TEK: variants seen among roughly 807,000 people sequenced by gnomAD.
TEK encodes the protein TEK receptor tyrosine kinase, also known as angiopoietin-1 receptor.
In TEK, 43 loss-of-function variants were observed where a neutral mutation model predicts 131.8. The observed-to-expected ratio is 0.33, with a 90% CI of 0.26 to 0.42. TEK has a LOEUF of 0.42. TEK is among the 10% of genes least tolerant of loss of function. The pLI is 1.00. For missense variants in TEK, 1,162 were observed against 1,384.4 expected (o/e 0.84, Z 2.55); for synonymous variants, 580 against 491.6 (o/e 1.18, Z -2.38).
At chr9:27,218,972 T>TTTTTC (rs1440469978) in intron 20 of TEK, among the ~76,000 whole-genome samples, 155 bp downstream of exon 20, 3 of 152,158 alleles carry the variant, frequency 2.0e-5, no homozygotes, top group Non-Finnish European at 4.4e-5. Flanking sequence ...AATTCCCATA[T>TTTTTC]TTTTCTTTTT....
chr9:27,209,086 C>T (rs367932801), intron 15 of TEK, 35 bp from the exon 16 acceptor site: 18 of 1,494,164 alleles, frequency 1.2e-5, no homozygotes, highest in Non-Finnish European at 1.7e-5. Context: ...AAAGGTGTAA[C>T]AAAGAAGAAT....
At chr9:27,224,783 AG>A (rs1380999477) in intron 21 of TEK, among the ~76,000 whole-genome samples, 1 of 152,260 alleles carries the variant, frequency 6.6e-6, no homozygotes, top group Non-Finnish European at 1.5e-5. Flanking sequence ...AAAGAAAGAA[AG>A]GGCATTCAAA....
chr9:27,157,574 G>T (rs1388980605), intron 1 of TEK, among the ~76,000 whole-genome samples: 1 of 152,124 alleles, frequency 6.6e-6, no homozygotes, highest in East Asian at 1.9e-4. Flanking sequence ...GGCTTGTTGG[G>T]GGAATAATGG....
At chr9:27,203,765 G>A (rs1825304682) in intron 13 of TEK, among the ~76,000 whole-genome samples, 1 of 152,264 alleles carries the variant, frequency 6.6e-6, no homozygotes, top group South Asian at 2.1e-4. Flanking sequence ...TCTCTGTGTT[G>A]TGTACAATGT....
At chr9:27,152,412 G>GAAA (rs10554773) in intron 1 of TEK, among the ~76,000 whole-genome samples, 1 of 142,922 alleles carries the variant, frequency 7.0e-6, no homozygotes. Flanking sequence ...CTGGAATGTG[G>GAAA]AAAAAAAAAA....
Position 27,222,467 on chromosome 9 carries a change from A to C in TEK, c.3200+2322A>C, listed in dbSNP as rs555373789. On this transcript the variant is annotated intron_variant, in intron 21 of 22. Transcript: ENST00000380036. ...AAATGTTAAGGGCAGCCAGAGAGAAAGGTCAGGTTACCCACAAAGGGAAGC... is the reference window on the plus strand; with the variant it reads ...AAATGTTAAGGGCAGCCAGAGAGAACGGTCAGGTTACCCACAAAGGGAAGC... Among the ~76,000 whole-genome samples the C allele has an allele frequency of 9.8e-4, 150 of 152,344 alleles. 1 individual carries two copies. Among genetic ancestry groups the C allele is most frequent in the Non-Finnish European group, 1.5e-3 (104 of 68,038 alleles).
Position 27,229,330 on chromosome 9 carries a change from T to G in TEK, c.*98T>G, listed in dbSNP as rs2131268077. 8.7e-7 allele frequency: 1 copy of G among 1,153,494 alleles called. No homozygotes were observed. The highest frequency in any genetic ancestry group is 1.3e-6 in the Non-Finnish European group (1 of 764,658). 71.5% of individuals were successfully genotyped at this position (1,153,494 alleles called of 1,614,324 possible). The stretch of plus-strand genomic sequence containing the variant: ...TGCCTCTGCCAAAGGATGTGATATA[T>G]AAGTGTACATATGTGCTGTACACCT... On this transcript the variant is annotated 3_prime_UTR_variant, in exon 23 of 23. Coordinates refer to ENST00000380036, the MANE Select transcript of TEK (RefSeq NM_000459.5).
chr9:27,228,212 T>C lies in TEK; in HGVS notation c.3207T>C (p.Asp1069=), dbSNP rs1826414832. The change falls in exon 22 of 23, where the codon GAT becomes GAC. Residue 1069 remains aspartate, a synonymous_variant. Transcript: ENST00000380036. ...KPLNCDDEVY[D]LMRQCWREKP... ...TAATTCTTTGCTTTCGAAGGTATGA[T>C]CTAATGAGACAATGCTGGCGGGAGA... 6.2e-7 allele frequency: 1 copy of C among 1,612,542 alleles called. No individual in the cohort carries two copies. Among genetic ancestry groups the C allele is most frequent in the Non-Finnish European group, 8.5e-7 (1 of 1,178,814 alleles).
Position 27,126,976 on chromosome 9 carries a change from T to C in TEK, c.52+17334T>C, listed in dbSNP as rs572844558. On this transcript the variant is annotated intron_variant, in intron 1 of 22. Transcript: ENST00000380036. ...CCGTGATGTTAGCTAGTAACACAACTTTTTTTGTTTTATTATACTTTAAGA... is the reference window on the plus strand; with the variant it reads ...CCGTGATGTTAGCTAGTAACACAACCTTTTTTGTTTTATTATACTTTAAGA... Among the ~76,000 whole-genome samples the C allele has an allele frequency of 2.6e-3, 398 of 152,242 alleles. 3 individuals are homozygous for C. Among genetic ancestry groups the C allele is most frequent in the African/African-American group, 9.2e-3 (381 of 41,564 alleles).
chr9:27,229,310 C>G lies in TEK; in HGVS notation c.*78C>G. 1 of 1,377,102 alleles carries G rather than the reference C, an allele frequency of 7.3e-7. No homozygotes were observed. Among genetic ancestry groups the G allele is most frequent in the Non-Finnish European group, 1.0e-6 (1 of 965,472 alleles). The allele number at this position is 1,377,102 out of a possible 1,614,324, so 85.3% of individuals were successfully genotyped here. ...TGACACCTGCTGAGAAAACATGCCT[C>G]TGCCAAAGGATGTGATATATAAGTG... On this transcript the variant is annotated 3_prime_UTR_variant, in exon 23 of 23. Coordinates refer to ENST00000380036, the MANE Select transcript of TEK (RefSeq NM_000459.5).
intron 6 of TEK, among the ~76,000 whole-genome samples, chr9:27,174,747 G>A (rs1390353380): frequency 6.6e-6 from 1 of 152,136 alleles, no homozygotes; most frequent in African/African-American, 2.4e-5. Flanking sequence ...GTGAGCCACA[G>A]CAGTGGAGAA....
At chr9:27,219,766 CTTATTGGTATAAT>C (rs1825985843) in intron 20 of TEK, among the ~76,000 whole-genome samples, 1 of 45,126 alleles carries the variant, frequency 2.2e-5, no homozygotes, top group African/African-American at 6.8e-5. Context: ...AAAGGTTAAT[CTTATTGGTATAAT>C]AGATGTGCTT....
At chr9:27,150,876 A>T (rs1823102649) in intron 1 of TEK, among the ~76,000 whole-genome samples, 1 of 152,152 alleles carries the variant, frequency 6.6e-6, no homozygotes, top group South Asian at 2.1e-4. Flanking sequence ...CCGGCGTTTG[A>T]AGGTGGCGAG....
intron 6 of TEK, among the ~76,000 whole-genome samples, chr9:27,178,159 T>C (rs964753129): frequency 2.0e-5 from 3 of 152,094 alleles, no homozygotes; most frequent in African/African-American, 7.2e-5. Context: ...GATGAGGTTC[T>C]AATTTTATTC....
At position 27,197,556 on chromosome 9, in the gene TEK, G is replaced by A. The variant is rs753621515; in HGVS notation, c.1866G>A (p.Gln622=). Residue 622 remains glutamine, a synonymous_variant, in exon 12 of 23, where the codon CAG becomes CAA. Transcript: ENST00000380036. ...GAGCTAGAGTCAACACCAAGGCCCA[G>A]GGGGAATGGAGTGAAGATCTCACTG... ...VVRARVNTKA[Q]GEWSEDLTAW... 1.2e-6 allele frequency: 2 copies of A among 1,613,954 alleles called. No homozygotes were observed. Among genetic ancestry groups the A allele is most frequent in the South Asian group, 2.2e-5 (2 of 91,080 alleles).
intron 1 of TEK, among the ~76,000 whole-genome samples, chr9:27,114,413 A>G (rs1821466166): frequency 6.6e-6 from 1 of 152,148 alleles, no homozygotes; most frequent in Non-Finnish European, 1.5e-5. Flanking sequence ...TCTACTAAAA[A>G]TACAAAAGTT....
chr9:27,185,750 A>G, intron 9 of TEK, 121 bp downstream of exon 9: 2 of 1,363,458 alleles, frequency 1.5e-6, no homozygotes, highest in South Asian at 1.2e-5. Context: ...CCAGGATAGT[A>G]AGCCTTTAAA....
At chr9:27,164,703 A>G (rs1417549549) in intron 2 of TEK, among the ~76,000 whole-genome samples, 2 of 151,952 alleles carry the variant, frequency 1.3e-5, no homozygotes, top group Non-Finnish European at 2.9e-5. Context: ...CTAATTTTTA[A>G]ATATTTTTTT....
chr9:27,197,956 G>A (rs546972072), intron 12 of TEK, among the ~76,000 whole-genome samples: 27 of 152,142 alleles, frequency 1.8e-4, no homozygotes, highest in African/African-American at 6.5e-4. Context: ...TTCCAGATGG[G>A]TCTTACCTAA....
Sources: allele counts gnomAD v4.1 joint callset (sites outside exome capture counted in the v4.1 genomes callset), GRCh38; gene constraint gnomAD v4.1.1; transcripts MANE v1.5; gene names NCBI Gene and HGNC (gene_info 2026-07-23, HGNC 2026-07-21).